Variants in FRMD4B observed in about 807,000 individuals in gnomAD.
FRMD4B encodes FERM domain containing 4B, also known as FERM domain-containing protein 4B.
In FRMD4B, 74 loss-of-function variants were observed where a neutral mutation model predicts 141.5. The observed-to-expected ratio is 0.52, with a 90% CI of 0.43 to 0.63. FRMD4B has a LOEUF of 0.63. Ranked by LOEUF, FRMD4B falls within the 30% of genes least tolerant of loss-of-function variation. The pLI, the probability that FRMD4B is intolerant of heterozygous loss-of-function variation, is 0.00. For missense variants in FRMD4B, 1,366 were observed against 1,253.4 expected (o/e 1.09, Z -1.36); for synonymous variants, 506 against 467.9 (o/e 1.08, Z -1.05).
chr3:69,263,468 A>G (rs2093541444), intron 5 of FRMD4B, among the ~76,000 whole-genome samples: 1 of 132,432 alleles, frequency 7.6e-6, no homozygotes. Context: ...GTGCAGTGGT[A>G]CTATCATGGC....
At chr3:69,473,094 G>A (rs1409924420) in intron 1 of FRMD4B, among the ~76,000 whole-genome samples, 1 of 151,920 alleles carries the variant, frequency 6.6e-6, no homozygotes, top group Middle Eastern at 3.2e-3. Context: ...GAAGAGAAAG[G>A]ATGTTCCCCA....
chr3:69,236,320 C>T lies in FRMD4B; in HGVS notation c.582-11630G>A, dbSNP rs567655935. On this transcript the variant is annotated intron_variant, in intron 7 of 22. Transcript: ENST00000398540. ...CTCAGCTCACTGCAAGCTCCGCCTC[C>T]TGGGTTCAACAGATCCTCCTGCCTC... Among the ~76,000 whole-genome samples, 11 of 151,958 alleles carry T rather than the reference C, an allele frequency of 7.2e-5. No individual in the cohort carries two copies. The East Asian group carries it at 7.7e-4, about 11-fold the overall frequency.
At chr3:69,224,306 T>C (rs894408598) in intron 8 of FRMD4B, among the ~76,000 whole-genome samples, 2 of 152,224 alleles carry the variant, frequency 1.3e-5, no homozygotes, top group African/African-American at 4.8e-5. Context: ...TGACTGCACA[T>C]ATATTGAATA....
chr3:69,383,979 T>C (rs1224383611), intron 1 of FRMD4B, among the ~76,000 whole-genome samples: 1 of 152,036 alleles, frequency 6.6e-6, no homozygotes, highest in East Asian at 1.9e-4. Context: ...TTTTTTATTT[T>C]TTTAAGAGAT....
chr3:69,184,438 C>T (rs2092744105), intron 19 of FRMD4B, among the ~76,000 whole-genome samples: 1 of 152,160 alleles, frequency 6.6e-6, no homozygotes, highest in Non-Finnish European at 1.5e-5. Context: ...TTAATGACTG[C>T]ATAGCATTTT....
chr3:69,245,458 T>C (rs2093417679), intron 7 of FRMD4B, among the ~76,000 whole-genome samples: 1 of 151,960 alleles, frequency 6.6e-6, no homozygotes, highest in Non-Finnish European at 1.5e-5. Context: ...GCGATTCTTG[T>C]GTCTCAGCCT....
chr3:69,450,624 C>A (rs1052390342), intron 1 of FRMD4B, among the ~76,000 whole-genome samples: 7 of 152,124 alleles, frequency 4.6e-5, no homozygotes, highest in Non-Finnish European at 8.8e-5. Flanking sequence ...CATGGTTGTA[C>A]GTGCCTATAA....
intron 1 of FRMD4B, among the ~76,000 whole-genome samples, chr3:69,496,634 AGAAAG>A (rs1706398785): frequency 9.1e-6 from 1 of 110,096 alleles, no homozygotes; most frequent in African/African-American, 3.7e-5. Context: ...AGAGAGAGAG[AGAAAG>A]AGAGAGAGAG....
At chr3:69,358,821 A>T (rs1703394665) in intron 1 of FRMD4B, among the ~76,000 whole-genome samples, 1 of 152,200 alleles carries the variant, frequency 6.6e-6, no homozygotes, top group Non-Finnish European at 1.5e-5. Flanking sequence ...ACAGAAGTAG[A>T]TGAGTTATCA....
At chr3:69,210,910 G>A (rs2093070207) in intron 11 of FRMD4B, among the ~76,000 whole-genome samples, 1 of 151,908 alleles carries the variant, frequency 6.6e-6, no homozygotes, top group Non-Finnish European at 1.5e-5. Context: ...CTACTTGGGA[G>A]GCTGAGGCAG....
intron 2 of FRMD4B, among the ~76,000 whole-genome samples, chr3:69,413,792 C>T (rs1459337436): frequency 6.6e-6 from 1 of 152,086 alleles, no homozygotes; most frequent in East Asian, 1.9e-4. Context: ...ACAATACAAC[C>T]CTGCATCTCC....
rs141850847 is a variant in FRMD4B at position 69,451,085 on chromosome 3, G to A, written c.-128-18324C>T. 1.6e-3 allele frequency among the ~76,000 whole-genome samples: 244 copies of A among 152,224 alleles called. 1 individual carries two copies. The highest frequency in any genetic ancestry group is 3.4e-3 in the Middle Eastern group (1 of 294). On this transcript the variant is annotated intron_variant, in intron 1 of 5. Transcript: ENST00000459638. ...GAATGTGGCTCCCTCCTTCCACTCCGAGCCTCTGCTTCTCAGTGCTTCCAG... is the reference window on the plus strand; with the variant it reads ...GAATGTGGCTCCCTCCTTCCACTCCAAGCCTCTGCTTCTCAGTGCTTCCAG...
At chr3:69,455,652 G>A (rs936731022) in intron 1 of FRMD4B, among the ~76,000 whole-genome samples, 2 of 151,694 alleles carry the variant, frequency 1.3e-5, no homozygotes, top group South Asian at 2.1e-4. Flanking sequence ...CTTCATTCTT[G>A]AAGTCAGTGA....
chr3:69,280,986 G>A (rs1030604042), intron 5 of FRMD4B, among the ~76,000 whole-genome samples: 4 of 149,554 alleles, frequency 2.7e-5, no homozygotes, highest in African/African-American at 9.9e-5. Flanking sequence ...GCTGGAGTGC[G>A]ATGGTGCGAT....
At chr3:69,534,736 A>C (rs1701058248) in intron 1 of FRMD4B, among the ~76,000 whole-genome samples, 1 of 152,240 alleles carries the variant, frequency 6.6e-6, no homozygotes, top group Admixed American at 6.5e-5. Context: ...ATGAGATCAA[A>C]GGCTTTGGAG....
intron 7 of FRMD4B, among the ~76,000 whole-genome samples, chr3:69,231,519 C>T (rs2093305618): frequency 6.6e-6 from 1 of 152,254 alleles, no homozygotes; most frequent in Non-Finnish European, 1.5e-5. Context: ...AACTCGTGAC[C>T]TCAGGTGATC....
chr3:69,239,703 G>A (rs1292626873), intron 7 of FRMD4B, among the ~76,000 whole-genome samples: 1 of 152,110 alleles, frequency 6.6e-6, no homozygotes, highest in Non-Finnish European at 1.5e-5. Flanking sequence ...ATAGGGAGCT[G>A]TTTAATGGGT....
intron 1 of FRMD4B, among the ~76,000 whole-genome samples, chr3:69,350,236 C>CAT (rs1703091949): frequency 6.6e-6 from 1 of 152,324 alleles, no homozygotes; most frequent in South Asian, 2.1e-4. Flanking sequence ...CTCATCATCA[C>CAT]TGGCCATCAG....
intron 11 of FRMD4B, among the ~76,000 whole-genome samples, chr3:69,203,993 TG>T (rs917841000): frequency 6.6e-6 from 1 of 152,198 alleles, no homozygotes; most frequent in Non-Finnish European, 1.5e-5. Flanking sequence ...AAAAACTGGC[TG>T]CTCTATTTCT....
Sources: allele counts gnomAD v4.1 joint callset (sites outside exome capture counted in the v4.1 genomes callset), GRCh38; gene constraint gnomAD v4.1.1; transcripts MANE v1.5; gene names NCBI Gene and HGNC (gene_info 2026-07-23, HGNC 2026-07-21).